TGFB1I1: variants seen among roughly 807,000 people sequenced by gnomAD.
TGFB1I1 encodes the protein transforming growth factor beta-1-induced transcript 1 protein.
Under a neutral mutation model 52.0 loss-of-function variants are expected in TGFB1I1, and 33 were observed. The ratio of observed to expected loss-of-function variants is 0.63; its 90% CI spans 0.48 to 0.85. The LOEUF is 0.85. TGFB1I1 is among the 40% of genes least tolerant of loss of function. The pLI is 0.00. For missense variants in TGFB1I1, 577 were observed against 614.9 expected (o/e 0.94, Z 0.65); for synonymous variants, 236 against 253.3 (o/e 0.93, Z 0.65).
chr16:31,474,505 T>C lies in TGFB1I1; in HGVS notation c.519+50T>C. The C allele has an allele frequency of 1.2e-6, 2 of 1,613,484 alleles. No homozygotes were observed. The highest frequency in any genetic ancestry group is 1.7e-6 in the Non-Finnish European group (2 of 1,179,670). ...CCATTTGTGGCTCCCCAACCCCTTCTAGACAATTCCACATCTGCTGCTTTG... is the reference window on the plus strand; with the variant it reads ...CCATTTGTGGCTCCCCAACCCCTTCCAGACAATTCCACATCTGCTGCTTTG... On this transcript the variant is annotated intron_variant, in intron 6 of 10. Transcript: ENST00000394863. The surrounding 1 kb of genome is among the most constrained non-coding windows in gnomAD (Gnocchi z 4.2).
chr16:31,473,855 C>G lies in TGFB1I1; in HGVS notation c.203C>G (p.Ser68Cys). Residue 68 changes from serine (S) to cysteine (C), a missense_variant, in exon 4 of 11, where the codon TCC becomes TGC. Coordinates refer to ENST00000394863, the MANE Select transcript of TGFB1I1 (RefSeq NM_001042454.3). ...HLYSTVCKPR[S>C]PKPAAPAAPP... is the part of the protein sequence containing the mutation. ...CCCAGCACGGTATGCAAGCCTCGGT[C>G]CCCAAAGCCTGCAGCCCCGGCGGCC... The G allele has an allele frequency of 6.2e-7, 1 of 1,614,148 alleles. No individual in the cohort carries two copies. The highest frequency in any genetic ancestry group is 8.5e-7 in the Non-Finnish European group (1 of 1,180,024).
chr16:31,473,907 C>T lies in TGFB1I1; in HGVS notation c.255C>T (p.Val85=), dbSNP rs2082406242. 1 of 1,613,982 alleles carries T rather than the reference C, an allele frequency of 6.2e-7. No homozygotes were observed. Among genetic ancestry groups the T allele is most frequent in the South Asian group, 1.1e-5 (1 of 91,092 alleles). ...AAPPFSSSSG[V]LGTGLCELDR... ...CTCCATTCTCCTCTTCCAGCGGTGTCTTGGGTACCGGGCTCTGTGAGCTAG... is the reference window on the plus strand; with the variant it reads ...CTCCATTCTCCTCTTCCAGCGGTGTTTTGGGTACCGGGCTCTGTGAGCTAG... The change falls in exon 4 of 11, where the codon GTC becomes GTT. Residue 85 remains valine (V), a synonymous_variant. Coordinates refer to ENST00000394863, the MANE Select transcript of TGFB1I1 (RefSeq NM_001042454.3).
Position 31,473,569 on chromosome 16 carries a change from G to T in TGFB1I1, c.129+13G>T, listed in dbSNP as rs750445492. On this transcript the variant is annotated intron_variant, in intron 2 of 10. Coordinates refer to ENST00000394863, the MANE Select transcript of TGFB1I1 (RefSeq NM_001042454.3). ...CCACCAGCCACAGGTGAGATCGGATGTTGGGGACTGGGGCAGCCACTAGGG... is the reference window on the plus strand; with the variant it reads ...CCACCAGCCACAGGTGAGATCGGATTTTGGGGACTGGGGCAGCCACTAGGG... 42 of 1,613,346 alleles carry T rather than the reference G, an allele frequency of 2.6e-5. No homozygotes were observed. Among genetic ancestry groups the T allele is most frequent in the African/African-American group, 5.3e-5 (4 of 74,928 alleles).
rs764155856 is a variant in TGFB1I1, at chr16:31,474,590, C to G, written c.547C>G (p.Pro183Ala). The G allele has an allele frequency of 6.2e-7, 1 of 1,609,198 alleles. No individual in the cohort carries two copies. The highest frequency in any genetic ancestry group is 1.3e-5 in the African/African-American group (1 of 74,930). The change falls in exon 7 of 11, where the codon CCG becomes GCG. Residue 183 changes from proline (P) to alanine (A), a missense_variant. Physicochemically the swap from Pro to Ala is conservative, Grantham distance 27 (BLOSUM62 -1). Around this residue, in one of 3 missense-constraint regions of TGFB1I1, gnomAD observed 456 missense variants for 461.6 expected, o/e 0.99. Transcript: ENST00000394863. This position sits in a 1 kb window ranked among gnomAD's most constrained non-coding sequence, Gnocchi z 4.2. ...HLPASGPTQPPVVSSTNEGSP... is the reference protein window; with the variant it reads ...HLPASGPTQPAVVSSTNEGSP... ...TCCAGCCTCTGGGCCAACTCAGCCA[C>G]CGGTGGTGAGCTCCACAAATGAGGG...
At position 31,474,627 on chromosome 16, in the gene TGFB1I1, C is replaced by T. The variant is rs868852826; in HGVS notation, c.584C>T (p.Pro195Leu). ...VSSTNEGSPSPPEPTGKGSLD... is the reference protein window; with the variant it reads ...VSSTNEGSPSLPEPTGKGSLD... ...TCCACAAATGAGGGCTCCCCATCCC[C>T]ACCAGAGCCGACTGGCAAGGGCAGC... Residue 195 changes from proline to leucine, a missense_variant, in exon 7 of 11, where the codon CCA (proline) becomes CTA (leucine). Physicochemically the swap from Pro to Leu is moderately conservative, Grantham distance 98. Transcript: ENST00000394863. The surrounding 1 kb of genome is among the most constrained non-coding windows in gnomAD (Gnocchi z 4.2). 1 of 1,612,594 alleles carries T rather than the reference C, an allele frequency of 6.2e-7. No homozygotes were observed. Among genetic ancestry groups the T allele is most frequent in the Non-Finnish European group, 8.5e-7 (1 of 1,179,142 alleles).
In TGFB1I1 at chr16:31,476,797, G is replaced by C. The variant is rs2082426858; in HGVS notation, c.971-65G>C. The C allele has an allele frequency of 6.2e-7, 1 of 1,600,386 alleles. No individual in the cohort carries two copies. The highest frequency in any genetic ancestry group is 8.5e-7 in the Non-Finnish European group (1 of 1,175,574). Reference sequence around the variant, plus strand: ...GCCCCTCCTTCGGCCCCAGATCTCAGGTCTTGTGGGTCCCCCGTCCCGCCC... The same window carrying C: ...GCCCCTCCTTCGGCCCCAGATCTCACGTCTTGTGGGTCCCCCGTCCCGCCC... On this transcript the variant is annotated intron_variant, in intron 9 of 10. Transcript: ENST00000394863. The surrounding 1 kb of genome is among the most constrained non-coding windows in gnomAD (Gnocchi z 7.6).
Position 31,472,159 on chromosome 16 carries a change from TCGCCCCGCGCCACCGGCCCG to T in TGFB1I1, c.-21_-2del. 2.1e-6 allele frequency: 2 copies of T among 951,784 alleles called. No individual in the cohort carries two copies. Among genetic ancestry groups the T allele is most frequent in the Non-Finnish European group, 2.7e-6 (2 of 741,922 alleles). 59.0% of individuals were successfully genotyped at this position (951,784 alleles called of 1,614,324 possible). On this transcript the variant is annotated 5_prime_UTR_variant, in exon 1 of 11. Coordinates refer to ENST00000394863, the MANE Select transcript of TGFB1I1 (RefSeq NM_001042454.3). The stretch of plus-strand genomic sequence containing the variant: ...CCACCGGACACGGCCCCCGCCCTGT[TCGCCCCGCGCCACCGGCCCG>T]CGCCCCGCCATGGAGGACCTGGGTG...
At chr16:31,475,762 G>A (rs2082419258) in intron 7 of TGFB1I1, 1 of 429,580 alleles carries the variant, frequency 2.3e-6, no homozygotes, top group Non-Finnish European at 4.1e-6. Context: ...ACGTTTTTAT[G>A]GGCCCCTAAA....
rs942266367 is a variant in TGFB1I1 at position 31,476,994 on chromosome 16, A to G, written c.1103A>G (p.Asp368Gly). 1 of 1,587,966 alleles carries G rather than the reference A, an allele frequency of 6.3e-7. No homozygotes were observed. The highest frequency in any genetic ancestry group is 1.7e-5 in the Admixed American group (1 of 58,554). Residue 368 changes from aspartate to glycine, a missense_variant, in exon 10 of 11, where the codon GAC (aspartate) becomes GGC (glycine). Coordinates refer to ENST00000394863, the MANE Select transcript of TGFB1I1 (RefSeq NM_001042454.3). This position sits in a 1 kb window ranked among gnomAD's most constrained non-coding sequence, Gnocchi z 7.6. ...GCGCTCAGCGCGCTCTGGCACCCGG[A>G]CTGTTTCGTCTGCAGGGTGCGAGCT... ...ISALSALWHP[D>G]CFVCRECFAP...
Position 31,477,532 on chromosome 16 carries a change from G to C in TGFB1I1, c.1342G>C (p.Gly448Arg). 6.2e-7 allele frequency: 1 copy of C among 1,609,446 alleles called. No homozygotes were observed. Among genetic ancestry groups the C allele is most frequent in the Non-Finnish European group, 8.5e-7 (1 of 1,178,588 alleles). Reference sequence around the variant, plus strand: ...CAAGGGGTCCTTCCAGGAGCGCGCCGGCAAGCCCTACTGCCAGCCCTGCTT... The same window carrying C: ...CAAGGGGTCCTTCCAGGAGCGCGCCCGCAAGCCCTACTGCCAGCCCTGCTT... The part of the protein sequence containing the change: ...LTKGSFQERA[G>R]KPYCQPCFLK... The change falls in exon 11 of 11, where the codon GGC becomes CGC. Residue 448 changes from glycine to arginine, a missense_variant. Coordinates refer to ENST00000394863, the MANE Select transcript of TGFB1I1 (RefSeq NM_001042454.3). The surrounding 1 kb of genome is among the most constrained non-coding windows in gnomAD (Gnocchi z 4.7).
chr16:31,474,600 G>C lies in TGFB1I1; in HGVS notation c.557G>C (p.Ser186Thr). 6.2e-7 allele frequency: 1 copy of C among 1,609,558 alleles called. No individual in the cohort carries two copies. The highest frequency in any genetic ancestry group is 2.2e-5 in the East Asian group (1 of 44,792). Residue 186 changes from serine to threonine, a missense_variant, in exon 7 of 11, where the codon AGC becomes ACC. By Grantham distance (58) the Ser-to-Thr change is moderately conservative (BLOSUM62 1). Coordinates refer to ENST00000394863, the MANE Select transcript of TGFB1I1 (RefSeq NM_001042454.3). The surrounding 1 kb of genome is among the most constrained non-coding windows in gnomAD (Gnocchi z 4.2). ...GGGCCAACTCAGCCACCGGTGGTGAGCTCCACAAATGAGGGCTCCCCATCC... is the reference window on the plus strand; with the variant it reads ...GGGCCAACTCAGCCACCGGTGGTGACCTCCACAAATGAGGGCTCCCCATCC... ...ASGPTQPPVV[S>T]STNEGSPSPP...
At position 31,474,453 on chromosome 16, in the gene TGFB1I1, C is replaced by T. The variant is rs1411222432; in HGVS notation, c.517C>T (p.His173Tyr). 6.2e-7 allele frequency: 1 copy of T among 1,614,180 alleles called. No homozygotes were observed. Among genetic ancestry groups the T allele is most frequent in the African/African-American group, 1.3e-5 (1 of 75,062 alleles). Residue 173 changes from histidine (H) to tyrosine (Y), a missense_variant and splice_region_variant, in exon 6 of 11, where the codon CAT becomes TAT. By Grantham distance (83) the His-to-Tyr change is moderately conservative (BLOSUM62 2). This residue lies in a region of TGFB1I1 where 456 missense variants were observed against 461.6 expected (regional missense o/e 0.99). Transcript: ENST00000394863. This position sits in a 1 kb window ranked among gnomAD's most constrained non-coding sequence, Gnocchi z 4.2. The stretch of plus-strand genomic sequence containing the variant: ...ACTCTCTGACTTCCGCGTTCAAAAC[C>T]ATGTGAGTTGGGCAGTGGGCCAGTG... ...ASLSDFRVQN[H>Y]LPASGPTQPP...
At chr16:31,475,788 AG>A in intron 7 of TGFB1I1, 1 of 505,524 alleles carries the variant, frequency 2.0e-6, no homozygotes, top group Non-Finnish European at 3.5e-6. Context: ...TGTGGGCTCC[AG>A]GCGCTGTGCC....
Position 31,477,485 on chromosome 16 carries a change from C to T in TGFB1I1, c.1295C>T (p.Thr432Ile), listed in dbSNP as rs2082434060. 1 of 1,606,912 alleles carries T rather than the reference C, an allele frequency of 6.2e-7. No individual in the cohort carries two copies. Among genetic ancestry groups the T allele is most frequent in the South Asian group, 1.1e-5 (1 of 90,012 alleles). ...RRFHPDHFTC[T>I]FCLRPLTKGS... ...TTCCACCCGGACCACTTCACATGCA[C>T]CTTCTGCCTGCGCCCGCTCACCAAG... Residue 432 changes from threonine (T) to isoleucine (I), a missense_variant, in exon 11 of 11, where the codon ACC becomes ATC. Coordinates refer to ENST00000394863, the MANE Select transcript of TGFB1I1 (RefSeq NM_001042454.3). This position sits in a 1 kb window ranked among gnomAD's most constrained non-coding sequence, Gnocchi z 4.7.
At position 31,476,193 on chromosome 16, in the gene TGFB1I1, C is replaced by A. The variant is rs763739705; in HGVS notation, c.888+8C>A. On this transcript the variant is annotated splice_region_variant and intron_variant, in intron 8 of 10. Coordinates refer to ENST00000394863, the MANE Select transcript of TGFB1I1 (RefSeq NM_001042454.3). This position sits in a 1 kb window ranked among gnomAD's most constrained non-coding sequence, Gnocchi z 7.6. ...AACCAGCCCATCCGACACGTGAGCCCCGCCCGGCCGCACCGAGCCCGCCCT... is the reference window on the plus strand; with the variant it reads ...AACCAGCCCATCCGACACGTGAGCCACGCCCGGCCGCACCGAGCCCGCCCT... 2 of 1,609,388 alleles carry A rather than the reference C, an allele frequency of 1.2e-6. No homozygotes were observed. The highest frequency in any genetic ancestry group is 3.3e-5 in the Admixed American group (2 of 59,836).
In TGFB1I1 at chr16:31,473,548, C is replaced by T; in HGVS notation, c.121C>T (p.Gln41Ter). The change falls in exon 2 of 11, where the codon CAG (glutamine) becomes TAG (stop). Residue 41 changes from glutamine (Q) to a stop codon, truncating the protein, a stop_gained. Transcript: ENST00000394863. LOFTEE classifies it high-confidence loss of function. Reference sequence around the variant, plus strand: ...CACCCCTCCCCCATCCTATGGCCACCAGCCACAGGTGAGATCGGATGTTGG... The same window carrying T: ...CACCCCTCCCCCATCCTATGGCCACTAGCCACAGGTGAGATCGGATGTTGG... Reference protein sequence around the residue: ...PLTPPPSYGHQPQTGSGESSG... With the variant: ...PLTPPPSYGH The T allele has an allele frequency of 6.2e-7, 1 of 1,613,662 alleles. No individual in the cohort carries two copies.
Position 31,473,456 on chromosome 16 carries a change from A to G in TGFB1I1, c.29A>G (p.Asp10Gly). The change falls in exon 2 of 11, where the codon GAC (aspartate) becomes GGC (glycine). Residue 10 changes from aspartate (D) to glycine (G), a missense_variant. Asp to Gly is a moderately conservative substitution (Grantham distance 94). This residue lies in a region of TGFB1I1 where 113 missense variants were observed against 123.9 expected (regional missense o/e 0.91). Transcript: ENST00000394863. Reference sequence around the variant, plus strand: ...CTTCCTGCAGATGCCCTGCTCTCTGACCTGGAGACTACCACCTCGCACATG... The same window carrying G: ...CTTCCTGCAGATGCCCTGCTCTCTGGCCTGGAGACTACCACCTCGCACATG... MEDLDALLS[D>G]LETTTSHMPR... The G allele has an allele frequency of 6.2e-7, 1 of 1,613,660 alleles. No individual in the cohort carries two copies. The highest frequency in any genetic ancestry group is 1.1e-5 in the South Asian group (1 of 91,078).
rs776088743 is a variant in TGFB1I1 at position 31,472,221 on chromosome 16, C to T, written c.13+20C>T. Reference sequence around the variant, plus strand: ...ACCTGGGTGAGTGGGGCCGGATCCCCGGGTCCGTGGCCCCTCACCGCTGCC... The same window carrying T: ...ACCTGGGTGAGTGGGGCCGGATCCCTGGGTCCGTGGCCCCTCACCGCTGCC... On this transcript the variant is annotated intron_variant, in intron 1 of 10. Transcript: ENST00000394863. 3 of 1,485,460 alleles carry T rather than the reference C, an allele frequency of 2.0e-6. No individual in the cohort carries two copies. In the East Asian group the frequency reaches 8.1e-5, roughly 40 times the overall value. 92.0% of individuals were successfully genotyped at this position (1,485,460 alleles called of 1,614,324 possible).
Position 31,476,084 on chromosome 16 carries a change from G to T in TGFB1I1, c.787G>T (p.Gly263Cys). 3 of 1,613,916 alleles carry T rather than the reference G, an allele frequency of 1.9e-6. No individual in the cohort carries two copies. Among genetic ancestry groups the T allele is most frequent in the Non-Finnish European group, 2.5e-6 (3 of 1,180,008 alleles). The change falls in exon 8 of 11, where the codon GGC (glycine) becomes TGC (cysteine). Residue 263 changes from glycine (G) to cysteine (C), a missense_variant. By Grantham distance (159) the Gly-to-Cys change is radical. Coordinates refer to ENST00000394863, the MANE Select transcript of TGFB1I1 (RefSeq NM_001042454.3). This position sits in a 1 kb window ranked among gnomAD's most constrained non-coding sequence, Gnocchi z 7.6. ...CGGAGGCTGTTCCACCGCCCTGGGA[G>T]GCAGCAGCTTCTTCGAGAAGGATGG... ...VCGGCSTALG[G>C]SSFFEKDGAP...
Sources: allele counts gnomAD v4.1 joint callset, GRCh38; gene constraint gnomAD v4.1.1; regional missense constraint gnomAD v4.1.1; non-coding constraint Gnocchi (gnomAD v3.1); transcripts MANE v1.5; gene names NCBI Gene and HGNC (gene_info 2026-07-23, HGNC 2026-07-21).